PHF21B: variants seen among roughly 807,000 people sequenced by gnomAD.
PHF21B encodes the protein PHD finger protein 4.
In PHF21B, 22 loss-of-function variants were observed where a neutral mutation model predicts 62.2. The observed-to-expected ratio is 0.35, with a 90% CI of 0.25 to 0.51. The LOEUF (loss-of-function observed/expected upper bound fraction) is 0.51. PHF21B is among the 20% of genes least tolerant of loss of function. The pLI, the probability that PHF21B is intolerant of heterozygous loss-of-function variation, is 0.97. For synonymous variants in PHF21B, 341 were observed against 314.7 expected, an observed-to-expected ratio of 1.08 and a Z score of -0.88; for missense variants, 701 against 707.9, an observed-to-expected ratio of 0.99 and a Z score of 0.11.
chr22:44,885,912 G>A lies in PHF21B; in HGVS notation c.1224C>T (p.Pro408=). 1 of 1,614,134 alleles carries A rather than the reference G, an allele frequency of 6.2e-7. No individual in the cohort carries two copies. Among genetic ancestry groups the A allele is most frequent in the Non-Finnish European group, 8.5e-7 (1 of 1,180,006 alleles). ...GCACGATGGCCAGCATCCCAGTCCA[G>A]GGCACACCCTCGTCTTTCTTTAAGG... The part of the protein sequence containing the change: ...QKALKKDEGV[P]WTGMLAIVHS... Residue 408 remains proline, a synonymous_variant, in exon 11 of 13, where the codon CCC becomes CCT. Coordinates refer to ENST00000313237, the MANE Select transcript of PHF21B (RefSeq NM_138415.5).
rs554062780 is a variant in PHF21B at position 44,891,728 on chromosome 22, A to T, written c.961-368T>A. On this transcript the variant is annotated intron_variant, in intron 7 of 12. Transcript: ENST00000313237. ...CTGCCTCTCAACTGGGTCTGGAGTC[A>T]GGTGGAAAAATGGGTGTTATAGACT... is the stretch of plus-strand genomic sequence containing the variant. Among the ~76,000 whole-genome samples, 8 of 152,376 alleles carry T rather than the reference A, an allele frequency of 5.3e-5. No homozygotes were observed. The South Asian group carries it at 1.7e-3, about 32-fold the overall frequency.
In PHF21B at chr22:44,881,671, T is replaced by C. The variant is rs1262648773; in HGVS notation, c.*1415A>G. On this transcript the variant is annotated 3_prime_UTR_variant, in exon 13 of 13. Coordinates refer to ENST00000313237, the MANE Select transcript of PHF21B (RefSeq NM_138415.5). ...CGCTCTGCACCTCTGCGTGTGTGCATGCGTGTCTGTGGTCGTGGCCGCGTG... is the reference window on the plus strand; with the variant it reads ...CGCTCTGCACCTCTGCGTGTGTGCACGCGTGTCTGTGGTCGTGGCCGCGTG... 1.3e-5 allele frequency: 2 copies of C among 152,680 alleles called. No individual in the cohort carries two copies. Among genetic ancestry groups the C allele is most frequent in the Non-Finnish European group, 2.9e-5 (2 of 68,046 alleles). The allele number at this position is 152,680 out of a possible 1,614,324, so 9.5% of individuals were successfully genotyped here.
rs2071095722 is a variant in PHF21B, at chr22:44,898,338, C to T, written c.832-2255G>A. Among the ~76,000 whole-genome samples the T allele has an allele frequency of 3.3e-5, 5 of 150,950 alleles. No individual in the cohort carries two copies. The Admixed American group carries it at 3.3e-4, about 10-fold the overall frequency. The stretch of plus-strand genomic sequence containing the variant: ...GAGGAAGACCACAGAGGTAACACAC[C>T]TTCTCATCACATCGCAGCAAGGGCG... On this transcript the variant is annotated intron_variant, in intron 5 of 12. Transcript: ENST00000313237.
At chr22:44,924,299 G>C (rs1357638860) in intron 2 of PHF21B, among the ~76,000 whole-genome samples, 4 of 152,202 alleles carry the variant, frequency 2.6e-5, no homozygotes, top group Non-Finnish European at 2.9e-5. Flanking sequence ...TGAGGATGTA[G>C]AGCAAATGGA....
intron 3 of PHF21B, among the ~76,000 whole-genome samples, chr22:44,919,469 G>C (rs1194729687): frequency 6.6e-6 from 1 of 152,222 alleles, no homozygotes; most frequent in Non-Finnish European, 1.5e-5. Context: ...GAAACCAAAA[G>C]ATTGGAAGAT....
chr22:44,900,915 C>T (rs1213987169), intron 5 of PHF21B, among the ~76,000 whole-genome samples: 2 of 152,098 alleles, frequency 1.3e-5, no homozygotes, highest in Non-Finnish European at 2.9e-5. Context: ...CCCTGGGACC[C>T]AATGTGTCCT....
chr22:44,886,032 C>T (rs1601561629), intron 10 of PHF21B, 94 bp from the exon 11 acceptor site: 1 of 1,160,196 alleles, frequency 8.6e-7, no homozygotes, highest in Middle Eastern at 2.3e-4. Context: ...GGGGGCACGC[C>T]CTGTCTGAGC....
chr22:44,969,437 G>A (rs759648984), intron 2 of PHF21B, among the ~76,000 whole-genome samples: 9 of 152,152 alleles, frequency 5.9e-5, no homozygotes, highest in Non-Finnish European at 1.2e-4. Context: ...AGGCCAAGGC[G>A]GGCGGATCAC....
rs1379870632 is a variant in PHF21B, at chr22:45,009,999, C to T, written c.-450G>A. ...GTTGTGCCTCGGCACGATGCTAATT[C>T]GGCAGTGCCCGGATGGAGCGGGCCG... On this transcript the variant is annotated 5_prime_UTR_variant, in exon 1 of 13. Coordinates refer to ENST00000313237, the MANE Select transcript of PHF21B (RefSeq NM_138415.5). The surrounding 1 kb of genome is among the most constrained non-coding windows in gnomAD (Gnocchi z 5.9). 9 of 146,032 alleles carry T rather than the reference C, an allele frequency of 6.2e-5. No homozygotes were observed. The highest frequency in any genetic ancestry group is 2.0e-4 in the East Asian group (1 of 5,000). 9.0% of individuals were successfully genotyped at this position (146,032 alleles called of 1,614,324 possible).
At chr22:44,975,868 CTATTT>C (rs2072728885) in intron 2 of PHF21B, among the ~76,000 whole-genome samples, 1 of 152,224 alleles carries the variant, frequency 6.6e-6, no homozygotes, top group Non-Finnish European at 1.5e-5. Flanking sequence ...AAAAGAAAAC[CTATTT>C]TAAAAATTTT....
chr22:45,008,436 C>G, intron 2 of PHF21B, 109 bp downstream of exon 2: 1 of 1,057,994 alleles, frequency 9.5e-7, no homozygotes, highest in Non-Finnish European at 1.3e-6. Flanking sequence ...ACAGACCCCT[C>G]TGGGAGTCTG....
At chr22:44,931,321 C>A (rs554623946) in intron 2 of PHF21B, among the ~76,000 whole-genome samples, 1 of 152,190 alleles carries the variant, frequency 6.6e-6, no homozygotes, top group African/African-American at 2.4e-5. Context: ...GATATGCGGC[C>A]GCTGTGGCCC....
At chr22:44,987,491 G>A (rs1409728051) in intron 2 of PHF21B, among the ~76,000 whole-genome samples, 5 of 152,130 alleles carry the variant, frequency 3.3e-5, no homozygotes, top group East Asian at 1.9e-4. Context: ...AGCACACAGC[G>A]GTGCAAGGGT....
intron 2 of PHF21B, among the ~76,000 whole-genome samples, chr22:44,937,504 C>CA (rs1303030455): frequency 2.0e-5 from 3 of 152,112 alleles, no homozygotes; most frequent in Non-Finnish European, 4.4e-5. Context: ...GCGAACACTT[C>CA]AAAAAATAGT....
chr22:45,008,463 G>C, intron 2 of PHF21B, 82 bp downstream of exon 2: 1 of 1,343,380 alleles, frequency 7.4e-7, no homozygotes. Flanking sequence ...CGTCGCCCAG[G>C]CTGGCACTTT....
chr22:44,996,335 C>T (rs1057278005), intron 2 of PHF21B, among the ~76,000 whole-genome samples: 5 of 152,176 alleles, frequency 3.3e-5, no homozygotes, highest in African/African-American at 1.2e-4. Flanking sequence ...GCCAGCCTTC[C>T]CCGTACAACT....
At chr22:44,889,924 G>GC in intron 8 of PHF21B, 142 bp from the exon 9 acceptor site, 2 of 842,226 alleles carry the variant, frequency 2.4e-6, no homozygotes, top group Admixed American at 7.2e-5. Context: ...CATGATACCT[G>GC]GGCTCTCACC....
chr22:44,999,341 G>C (rs1346820244), intron 2 of PHF21B, among the ~76,000 whole-genome samples: 1 of 152,150 alleles, frequency 6.6e-6, no homozygotes, highest in Non-Finnish European at 1.5e-5. Context: ...CAGAGAGAGG[G>C]AGGAGGAGGA....
chr22:45,005,737 T>G (rs1004120210), intron 2 of PHF21B, among the ~76,000 whole-genome samples: 1 of 152,196 alleles, frequency 6.6e-6, no homozygotes, highest in Admixed American at 6.5e-5. Context: ...TAATTGAAAC[T>G]TAACCTTTAT....
Sources: gnomAD v4.1 joint callset for allele counts (sites outside exome capture counted in the v4.1 genomes callset) on GRCh38, gnomAD v4.1.1 for gene constraint, Gnocchi (gnomAD v3.1) non-coding constraint, MANE v1.5 for transcripts, NCBI Gene and HGNC (gene_info 2026-07-23, HGNC 2026-07-21) for gene names.